CORO2B: variants seen among roughly 807,000 people sequenced by gnomAD.
CORO2B encodes the protein coronin-2B.
Under a neutral mutation model 58.8 loss-of-function variants are expected in CORO2B, and 26 were observed. The ratio of observed to expected loss-of-function variants is 0.44; its 90% CI spans 0.32 to 0.61. The LOEUF (loss-of-function observed/expected upper bound fraction) is 0.61, where lower values mean the gene tolerates loss of function less well. Ranked by LOEUF, CORO2B falls within the 20% of genes least tolerant of loss-of-function variation. The pLI is 0.04. For synonymous variants in CORO2B, 242 were observed against 253.8 expected (o/e 0.95, Z 0.44); for missense variants, 460 against 645.1 (o/e 0.71, Z 3.11).
At chr15:68,625,937 G>T (rs1424283055) in intron 1 of CORO2B, among the ~76,000 whole-genome samples, 1 of 152,168 alleles carries the variant, frequency 6.6e-6, no homozygotes, top group Non-Finnish European at 1.5e-5. Flanking sequence ...CATCCGTGGT[G>T]TTGTGGGTAT....
At chr15:68,627,477 T>C (rs1566989051) in intron 1 of CORO2B, among the ~76,000 whole-genome samples, 1 of 152,150 alleles carries the variant, frequency 6.6e-6, no homozygotes, top group East Asian at 1.9e-4. Context: ...AATTCCAGGA[T>C]GCAGAGAGAA....
At position 68,719,467 on chromosome 15, in the gene CORO2B, T is replaced by G; in HGVS notation, c.1226T>G (p.Phe409Cys). The change falls in exon 11 of 12, where the codon TTT becomes TGT. Residue 409 changes from phenylalanine (F) to cysteine (C), a missense_variant. This residue lies in a region of CORO2B where 108 missense variants were observed against 102.1 expected (regional missense o/e 1.06). Coordinates refer to ENST00000261861, the MANE Select transcript of CORO2B (RefSeq NM_006091.5). ...TATAAGAAGTCCTCAAAAATGGTAT[T>G]TAAGGCTCCCATCAAAGAAAAGAAG... ...EGYKKSSKMV[F>C]KAPIKEKKSV... is the part of the protein sequence containing the mutation. 5 of 1,614,172 alleles carry G rather than the reference T, an allele frequency of 3.1e-6. No homozygotes were observed. The highest frequency in any genetic ancestry group is 4.2e-6 in the Non-Finnish European group (5 of 1,180,006).
chr15:68,578,370 C>T (rs528646622), upstream of CORO2B, among the ~76,000 whole-genome samples: 2 of 152,228 alleles, frequency 1.3e-5, no homozygotes, highest in Non-Finnish European at 2.9e-5. The surrounding 1 kb of genome is among the most constrained non-coding windows in gnomAD (Gnocchi z 4.2). Flanking sequence ...CTTCCCACGT[C>T]CGTCCCACTC....
chr15:68,664,836 C>T (rs1200344796), intron 2 of CORO2B, among the ~76,000 whole-genome samples: 2 of 152,064 alleles, frequency 1.3e-5, no homozygotes, highest in Non-Finnish European at 1.5e-5. Context: ...ATTGTCTGTC[C>T]ATATTCTTCA....
chr15:68,577,434 A>T (rs1030101446), upstream of CORO2B, among the ~76,000 whole-genome samples: 2 of 152,106 alleles, frequency 1.3e-5, no homozygotes, highest in Non-Finnish European at 2.9e-5. Flanking sequence ...TGTGGTTAAA[A>T]ATGGCAGGGC....
chr15:68,652,334 C>T (rs531875890), intron 2 of CORO2B, among the ~76,000 whole-genome samples: 63 of 152,320 alleles, frequency 4.1e-4, no homozygotes, highest in South Asian at 8.3e-4. Flanking sequence ...TTGCCTGGCA[C>T]AGCTGGAGGG....
At chr15:68,631,244 A>T (rs1900819041) in intron 1 of CORO2B, among the ~76,000 whole-genome samples, 1 of 152,138 alleles carries the variant, frequency 6.6e-6, no homozygotes, top group African/African-American at 2.4e-5. Flanking sequence ...TGGGTTATGG[A>T]TGGTCTCCAT....
intron 2 of CORO2B, among the ~76,000 whole-genome samples, chr15:68,685,325 C>T (rs1902929390): frequency 6.6e-6 from 1 of 152,150 alleles, no homozygotes; most frequent in South Asian, 2.1e-4. Context: ...ATTCTCATGC[C>T]TCAGCCTCCC....
At chr15:68,549,641 G>T in the CORO2B span, among the ~76,000 whole-genome samples, 1 of 152,184 alleles carries the variant, frequency 6.6e-6, no homozygotes, top group African/African-American at 2.4e-5. Context: ...CCCAGCTGCT[G>T]CATAAAATTG....
chr15:68,633,734 A>T (rs759543725), intron 1 of CORO2B, among the ~76,000 whole-genome samples: 5 of 152,220 alleles, frequency 3.3e-5, no homozygotes, highest in Non-Finnish European at 7.3e-5. Context: ...GCACTGAGAG[A>T]TGGGCTTCCT....
the CORO2B span, among the ~76,000 whole-genome samples, chr15:68,538,403 C>T: frequency 6.6e-6 from 1 of 152,228 alleles, no homozygotes. Flanking sequence ...GGGCTTTAGA[C>T]TGACACAGTA....
the CORO2B span, among the ~76,000 whole-genome samples, chr15:68,550,749 G>A: frequency 1.3e-5 from 2 of 152,250 alleles, no homozygotes; most frequent in Non-Finnish European, 2.9e-5. Flanking sequence ...CAAGAGGCAG[G>A]TGGGTGGCTT....
chr15:68,666,229 C>T (rs985018020), intron 2 of CORO2B, among the ~76,000 whole-genome samples: 20 of 152,126 alleles, frequency 1.3e-4, no homozygotes, highest in Admixed American at 9.2e-4. Flanking sequence ...TTCTGGGTAG[C>T]GGACATAAAA....
At chr15:68,683,972 A>G (rs1308084655) in intron 2 of CORO2B, among the ~76,000 whole-genome samples, 4 of 151,586 alleles carry the variant, frequency 2.6e-5, no homozygotes, top group Non-Finnish European at 2.9e-5. Context: ...TTTGGCTTAT[A>G]AGGTCTAGAT....
At chr15:68,723,645 G>T (rs1338386573) in intron 11 of CORO2B, among the ~76,000 whole-genome samples, 1 of 151,726 alleles carries the variant, frequency 6.6e-6, no homozygotes, top group Non-Finnish European at 1.5e-5. Context: ...GTAGAGATGG[G>T]GTTTCACCAT....
chr15:68,585,408 C>T (rs1039059325), intron 1 of CORO2B, among the ~76,000 whole-genome samples: 2 of 152,200 alleles, frequency 1.3e-5, no homozygotes, highest in Non-Finnish European at 2.9e-5. Flanking sequence ...GCGTTGGGCA[C>T]GCATGATCGC....
chr15:68,601,900 T>C (rs1325972937), intron 1 of CORO2B, among the ~76,000 whole-genome samples: 1 of 152,010 alleles, frequency 6.6e-6, no homozygotes, highest in East Asian at 1.9e-4. Flanking sequence ...GATCAAGTCA[T>C]CAGCAAGTTC....
intron 3 of CORO2B, among the ~76,000 whole-genome samples, chr15:68,699,060 C>A (rs942212177): frequency 2.6e-5 from 4 of 152,096 alleles, no homozygotes; most frequent in African/African-American, 9.7e-5. Flanking sequence ...GAGAAGGAGT[C>A]CCAGGAAGAG....
At chr15:68,669,345 G>A (rs548515094) in intron 2 of CORO2B, among the ~76,000 whole-genome samples, 3 of 152,236 alleles carry the variant, frequency 2.0e-5, no homozygotes, top group Admixed American at 1.3e-4. Context: ...AAATCCACAC[G>A]GGCATCTTGG....
Sources: gnomAD v4.1 joint callset for allele counts (sites outside exome capture counted in the v4.1 genomes callset) on GRCh38, gnomAD v4.1.1 for gene constraint, gnomAD v4.1.1 regional missense constraint, Gnocchi (gnomAD v3.1) non-coding constraint, MANE v1.5 for transcripts, NCBI Gene and HGNC (gene_info 2026-07-23, HGNC 2026-07-21) for gene names.